ITGB6: variants seen among roughly 807,000 people sequenced by gnomAD.
The protein encoded by ITGB6 is integrin subunit beta 6, also known as integrin beta-6.
ITGB6 carries 80 observed loss-of-function variants against 84.5 expected under a neutral mutation model. That is an observed-to-expected ratio of 0.95 (90% confidence interval 0.79 to 1.14). ITGB6 has a LOEUF of 1.14. Among genes scored for constraint, ITGB6 ranks in the 50% most tolerant of loss-of-function variants. The pLI, the probability that ITGB6 is intolerant of heterozygous loss-of-function variation, is 0.00. For missense variants in ITGB6, 1,006 were observed against 968.0 expected (o/e 1.04, Z -0.52); for synonymous variants, 383 against 354.9 (o/e 1.08, Z -0.89).
At chr2:160,126,181 A>G (rs1683233567) in intron 11 of ITGB6, among the ~76,000 whole-genome samples, 198 bp downstream of exon 11, 1 of 152,204 alleles carries the variant, frequency 6.6e-6, no homozygotes, top group Non-Finnish European at 1.5e-5. Flanking sequence ...GATAATCAGG[A>G]CTGAGAAAGA....
At chr2:160,112,055 C>A (rs375819826) in intron 13 of ITGB6, 25 bp downstream of exon 13, 3 of 1,609,542 alleles carry the variant, frequency 1.9e-6, no homozygotes, top group Non-Finnish European at 2.5e-6. Context: ...CATTTGCCAT[C>A]GGCAATGGAA....
chr2:160,119,317 G>C (rs1279775925), intron 12 of ITGB6, among the ~76,000 whole-genome samples: 1 of 151,914 alleles, frequency 6.6e-6, no homozygotes, highest in African/African-American at 2.4e-5. Context: ...CCAAAACAGA[G>C]ATATAGATCA....
Position 160,112,249 on chromosome 2 carries a change from T to C in ITGB6, c.1982-50A>G, listed in dbSNP as rs1176018523. On this transcript the variant is annotated intron_variant, in intron 12 of 14. Transcript: ENST00000283249. ...AGGTTAAACAAGATTCCAAAAGAGA[T>C]TGTTTTTAAAACAAAGTAGTATTGA... The C allele has an allele frequency of 5.2e-6, 8 of 1,545,696 alleles. No homozygotes were observed. In the Admixed American group the frequency reaches 7.8e-5, roughly 15 times the overall value.
chr2:160,184,844 T>A (rs752469870), intron 4 of ITGB6, among the ~76,000 whole-genome samples: 14 of 152,176 alleles, frequency 9.2e-5, no homozygotes, highest in Admixed American at 2.6e-4. Context: ...TCAATAAACA[T>A]AATCCATCGC....
chr2:160,194,856 A>C (rs1191129232), intron 4 of ITGB6, among the ~76,000 whole-genome samples: 1 of 152,016 alleles, frequency 6.6e-6, no homozygotes, highest in Non-Finnish European at 1.5e-5. Flanking sequence ...ATTTAACAGC[A>C]GTGAAGGCTG....
At chr2:160,110,767 C>T (rs1682467206) in intron 13 of ITGB6, among the ~76,000 whole-genome samples, 1 of 152,134 alleles carries the variant, frequency 6.6e-6, no homozygotes. Flanking sequence ...ACCAGGCCAC[C>T]CTGGGATTTT....
rs71297445 is a variant in ITGB6 at position 160,179,390 on chromosome 2, C to CTT, written c.594-5253_594-5252dup. On this transcript the variant is annotated intron_variant, in intron 4 of 14. Coordinates refer to ENST00000283249, the MANE Select transcript of ITGB6 (RefSeq NM_000888.5). ...GCATTTCTTTTCTTTTTTTCTTTTT[C>CTT]TTTTTTTTTTTTTTTTGAGATGGAC... Among the ~76,000 whole-genome samples, 93 of 131,166 alleles carry CTT rather than the reference C, an allele frequency of 7.1e-4. 1 individual carries two copies. Among genetic ancestry groups the CTT allele is most frequent in the South Asian group, 1.8e-3 (7 of 3,962 alleles). The allele number at this position is 131,166 out of a possible 152,430, so 86.0% of individuals were successfully genotyped here. A position where few individuals can be genotyped will look rare whatever the true frequency, so the allele number is the denominator to read the frequency against.
chr2:160,125,320 A>G (rs1683195459), intron 11 of ITGB6, among the ~76,000 whole-genome samples: 1 of 152,258 alleles, frequency 6.6e-6, no homozygotes, highest in Admixed American at 6.5e-5. Context: ...CAAGGAGGTC[A>G]CTACCTGATT....
In ITGB6 at chr2:160,172,944, T is replaced by G. The variant is rs1685272054; in HGVS notation, c.760-214A>C. On this transcript the variant is annotated intron_variant, in intron 5 of 14. Transcript: ENST00000283249. ...TTTCCTGGATAACATTTTCATATGATTTATGCTTCAGAAAAATATAGCTCC... is the reference window on the plus strand; with the variant it reads ...TTTCCTGGATAACATTTTCATATGAGTTATGCTTCAGAAAAATATAGCTCC... Among the ~76,000 whole-genome samples the G allele has an allele frequency of 2.6e-5, 4 of 152,190 alleles. No individual in the cohort carries two copies. In the South Asian group the frequency reaches 8.3e-4, roughly 32 times the overall value.
chr2:160,137,613 T>G lies in ITGB6; in HGVS notation c.1481A>C (p.Glu494Ala), dbSNP rs1201576711. Residue 494 changes from glutamate (E) to alanine (A), a missense_variant, in exon 10 of 15, where the codon GAG (glutamate) becomes GCG (alanine). Transcript: ENST00000283249. ...GCAGGAATCTGTGCTCAGCATGTCC[T>G]CGCCACACTCACAGCGAGGCCCCAT... ...GHMGPRCECG[E>A]DMLSTDSCKE... 17 of 1,614,186 alleles carry G rather than the reference T, an allele frequency of 1.1e-5. No individual in the cohort carries two copies. Among genetic ancestry groups the G allele is most frequent in the African/African-American group, 2.7e-5 (2 of 75,042 alleles).
intron 10 of ITGB6, among the ~76,000 whole-genome samples, chr2:160,128,402 A>G (rs1396672725): frequency 6.6e-6 from 1 of 152,170 alleles, no homozygotes; most frequent in Non-Finnish European, 1.5e-5. Context: ...GGGGAAATGG[A>G]AAGGATAACA....
chr2:160,131,343 G>T (rs1227347984), intron 10 of ITGB6, among the ~76,000 whole-genome samples: 1 of 152,172 alleles, frequency 6.6e-6, no homozygotes, highest in Non-Finnish European at 1.5e-5. Context: ...AGTGCTTACA[G>T]ATGGATGAAA....
chr2:160,172,096 T>G (rs1259076833), intron 6 of ITGB6, among the ~76,000 whole-genome samples: 1 of 152,198 alleles, frequency 6.6e-6, no homozygotes. Context: ...GTCACTAGCA[T>G]TTTATAAATG....
At chr2:160,172,871 ATAATAT>A in intron 5 of ITGB6, 141 bp from the exon 6 acceptor site, 1 of 566,632 alleles carries the variant, frequency 1.8e-6, no homozygotes, top group Non-Finnish European at 3.1e-6. Flanking sequence ...TCGTGAATTG[ATAATAT>A]TAATGTTTTT....
chr2:160,147,480 G>C (rs1328049898), intron 7 of ITGB6, among the ~76,000 whole-genome samples: 1 of 152,162 alleles, frequency 6.6e-6, no homozygotes, highest in African/African-American at 2.4e-5. Flanking sequence ...TGAACAAACT[G>C]ATTCTAAAGT....
rs1685255279 is a variant in ITGB6 at position 160,172,637 on chromosome 2, T to A, written c.853A>T (p.Ile285Phe). ...HFGMDSKLAG[I>F]VIPNDGLCHL... ...CAGAGCCCGTCATTAGGAATGACGA[T>A]GCCTGCTAGTTTGCTGTCCATTCCA... The change falls in exon 6 of 15, where the codon ATC becomes TTC. Residue 285 changes from isoleucine to phenylalanine, a missense_variant. Coordinates refer to ENST00000283249, the MANE Select transcript of ITGB6 (RefSeq NM_000888.5). The A allele has an allele frequency of 6.2e-7, 1 of 1,612,374 alleles. No individual in the cohort carries two copies. Among genetic ancestry groups the A allele is most frequent in the Non-Finnish European group, 8.5e-7 (1 of 1,178,490 alleles).
At chr2:160,149,479 T>C (rs1238991130) in intron 7 of ITGB6, among the ~76,000 whole-genome samples, 1 of 152,074 alleles carries the variant, frequency 6.6e-6, no homozygotes, top group African/African-American at 2.4e-5. Context: ...AAAGGTAGAT[T>C]AAATCACAAA....
chr2:160,148,160 T>C (rs1386720363), intron 7 of ITGB6, among the ~76,000 whole-genome samples: 2 of 152,100 alleles, frequency 1.3e-5, no homozygotes, highest in East Asian at 1.9e-4. Flanking sequence ...CTAACAGACA[T>C]ATTACCAAAG....
intron 13 of ITGB6, among the ~76,000 whole-genome samples, chr2:160,111,739 C>T (rs1345657019): frequency 6.6e-6 from 1 of 151,698 alleles, no homozygotes; most frequent in Non-Finnish European, 1.5e-5. Context: ...GCCACCATAC[C>T]CGGCTAATTT....
Sources: allele counts gnomAD v4.1 joint callset (sites outside exome capture counted in the v4.1 genomes callset), GRCh38; gene constraint gnomAD v4.1.1; transcripts MANE v1.5; gene names NCBI Gene and HGNC (gene_info 2026-07-23, HGNC 2026-07-21).